Variants in ALOX12B observed in about 807,000 individuals in gnomAD.
ALOX12B encodes arachidonate 12-lipoxygenase, 12R type.
A neutral mutation model predicts 78.9 loss-of-function variants in ALOX12B; 47 were observed. That is an observed-to-expected ratio of 0.60 (90% CI 0.47 to 0.76). ALOX12B has a LOEUF of 0.76. Ranked by LOEUF, ALOX12B falls within the 30% of genes least tolerant of loss-of-function variation. ALOX12B has a pLI of 0.00. For synonymous variants in ALOX12B, 370 were observed against 374.5 expected, an observed-to-expected ratio of 0.99 and a Z score of 0.14; for missense variants, 805 against 922.6, an observed-to-expected ratio of 0.87 and a Z score of 1.65.
In ALOX12B at chr17:8,079,697, G is replaced by T; in HGVS notation, c.927+72C>A. The T allele has an allele frequency of 1.3e-6, 2 of 1,560,094 alleles. No individual in the cohort carries two copies. Among genetic ancestry groups the T allele is most frequent in the South Asian group, 2.3e-5 (2 of 85,758 alleles). On this transcript the variant is annotated intron_variant, in intron 7 of 14. Transcript: ENST00000647874. The surrounding 1 kb of genome is among the most constrained non-coding windows in gnomAD (Gnocchi z 6.4). ...CCTGGGACTGGCGCGGGCGCCGGAG[G>T]TGGGGAGAGACGGGGATGCCCGCGA...
Position 8,079,427 on chromosome 17 carries a change from G to T in ALOX12B, c.1040C>A (p.Pro347His). 1 of 1,551,542 alleles carries T rather than the reference G, an allele frequency of 6.4e-7. No individual in the cohort carries two copies. ...CAPLCLLHFG[P>H]EGKMMPIAIQ... ...GGCGATGGGCATCATCTTGCCCTCGGGTCCAAAGTGCAGCAGGCAGAGGGG... is the reference window on the plus strand; with the variant it reads ...GGCGATGGGCATCATCTTGCCCTCGTGTCCAAAGTGCAGCAGGCAGAGGGG... Residue 347 changes from proline (P) to histidine (H), a missense_variant, in exon 8 of 15, where the codon CCC becomes CAC. Coordinates refer to ENST00000647874, the MANE Select transcript of ALOX12B (RefSeq NM_001139.3). The surrounding 1 kb of genome is among the most constrained non-coding windows in gnomAD (Gnocchi z 6.4).
At chr17:8,083,185 GA>G (rs1317613692) in intron 2 of ALOX12B, among the ~76,000 whole-genome samples, 5 of 151,950 alleles carry the variant, frequency 3.3e-5, no homozygotes, top group African/African-American at 1.2e-4. Context: ...ATTTATAGAT[GA>G]AGATATATAT....
Position 8,079,678 on chromosome 17 carries a change from A to G in ALOX12B, c.927+91T>C. 1.9e-6 allele frequency: 3 copies of G among 1,544,534 alleles called. No homozygotes were observed. Among genetic ancestry groups the G allele is most frequent in the Non-Finnish European group, 2.6e-6 (3 of 1,143,636 alleles). On this transcript the variant is annotated intron_variant, in intron 7 of 14. Coordinates refer to ENST00000647874, the MANE Select transcript of ALOX12B (RefSeq NM_001139.3). The surrounding 1 kb of genome is among the most constrained non-coding windows in gnomAD (Gnocchi z 6.4). ...GACGCGGGGTGCGGGCTTGCCTGGGACTGGCGCGGGCGCCGGAGGTGGGGA... is the reference window on the plus strand; with the variant it reads ...GACGCGGGGTGCGGGCTTGCCTGGGGCTGGCGCGGGCGCCGGAGGTGGGGA...
rs1483138949 is a variant in ALOX12B, at chr17:8,080,666, C to T, written c.642G>A (p.Leu214=). 1.9e-6 allele frequency: 3 copies of T among 1,614,042 alleles called. No homozygotes were observed. The highest frequency in any genetic ancestry group is 2.2e-5 in the East Asian group (1 of 44,894). ...CACTCACACGGACTCACATGGGCCC[C>T]AGGCGGACGAAGAAGGAGGCCGTCT... is the stretch of plus-strand genomic sequence containing the variant. ...FLKTASFFVR[L]GPMALAFKVR... is the part of the protein sequence containing the mutation. The change falls in exon 5 of 15, where the codon CTG becomes CTA. Residue 214 remains leucine (L), a synonymous_variant. Coordinates refer to ENST00000647874, the MANE Select transcript of ALOX12B (RefSeq NM_001139.3). The surrounding 1 kb of genome is among the most constrained non-coding windows in gnomAD (Gnocchi z 4.8).
chr17:8,075,539 G>T (rs1977059857), intron 12 of ALOX12B, 56 bp downstream of exon 12: 2 of 1,611,992 alleles, frequency 1.2e-6, no homozygotes, highest in African/African-American at 2.7e-5. Flanking sequence ...AGACCTGCCT[G>T]GGGGCTGCCC....
chr17:8,076,440 C>T, intron 10 of ALOX12B, 96 bp from the exon 11 acceptor site: 1 of 1,415,284 alleles, frequency 7.1e-7, no homozygotes, highest in Non-Finnish European at 9.7e-7. Context: ...TAACCCCTGA[C>T]CCAGCCCACC....
At position 8,081,101 on chromosome 17, in the gene ALOX12B, C is replaced by T; in HGVS notation, c.434+5G>A. ...GCGCCCAGACTCTGCCACCCGCCCC[C>T]TCACTGGTAGAAGTCCTGCTTGGCT... On this transcript the variant is annotated splice_donor_5th_base_variant and intron_variant, in intron 3 of 14. Coordinates refer to ENST00000647874, the MANE Select transcript of ALOX12B (RefSeq NM_001139.3). 6.2e-7 allele frequency: 1 copy of T among 1,613,842 alleles called. No individual in the cohort carries two copies. Among genetic ancestry groups the T allele is most frequent in the East Asian group, 2.2e-5 (1 of 44,868 alleles).
intron 8 of ALOX12B, among the ~76,000 whole-genome samples, chr17:8,078,209 G>A (rs562227099): frequency 3.3e-5 from 5 of 151,172 alleles, no homozygotes; most frequent in East Asian, 2.0e-4. Flanking sequence ...GCAGTGGCAC[G>A]ATCTCTGCTC....
rs1978295720 is a variant in ALOX12B, at chr17:8,085,997, C to T, written c.352+19G>A. 2.5e-6 allele frequency: 4 copies of T among 1,613,286 alleles called. No homozygotes were observed. In the African/African-American group the frequency reaches 5.3e-5, roughly 22 times the overall value. On this transcript the variant is annotated intron_variant, in intron 2 of 14. Coordinates refer to ENST00000647874, the MANE Select transcript of ALOX12B (RefSeq NM_001139.3). The stretch of plus-strand genomic sequence containing the variant: ...GAGGCCTCACGGCCATAGGATGGAG[C>T]AGGGTGATGAGGGCTTACCTGTGGC...
At position 8,079,324 on chromosome 17, in the gene ALOX12B, A is replaced by AGC. The variant is rs764748634; in HGVS notation, c.1071+70_1071+71dup. ...ACATGCAGGTCCACACGCTCACATAAGCGCGCGCACACTCGGAGGAGCATT... is the reference window on the plus strand; with the variant it reads ...ACATGCAGGTCCACACGCTCACATAAGCGCGCGCGCACACTCGGAGGAGCATT... On this transcript the variant is annotated intron_variant, in intron 8 of 14. Coordinates refer to ENST00000647874, the MANE Select transcript of ALOX12B (RefSeq NM_001139.3). The surrounding 1 kb of genome is among the most constrained non-coding windows in gnomAD (Gnocchi z 6.4). 2.8e-5 allele frequency: 43 copies of AGC among 1,539,380 alleles called. No individual in the cohort carries two copies. Among genetic ancestry groups the AGC allele is most frequent in the Non-Finnish European group, 3.8e-5 (43 of 1,140,152 alleles).
rs368323729 is a variant in ALOX12B, at chr17:8,076,212, G to A, written c.1495C>T (p.Arg499Cys). 8.7e-6 allele frequency: 14 copies of A among 1,613,996 alleles called. No individual in the cohort carries two copies. Among genetic ancestry groups the A allele is most frequent in the South Asian group, 4.4e-5 (4 of 91,086 alleles). Reference sequence around the variant, plus strand: ...TTCCACACCGCCAAGCTGTCATCGCGGTAGTAATATCCAGGCAGGTCCTGG... The same window carrying A: ...TTCCACACCGCCAAGCTGTCATCGCAGTAGTAATATCCAGGCAGGTCCTGG... ...GVQDLPGYYY[R>C]DDSLAVWNAL... is the part of the protein sequence containing the mutation. Residue 499 changes from arginine to cysteine, a missense_variant, in exon 11 of 15, where the codon CGC becomes TGC. Physicochemically the swap from Arg to Cys is radical, Grantham distance 180. Transcript: ENST00000647874.
At chr17:8,073,837 C>G in intron 12 of ALOX12B, 80 bp from the exon 13 acceptor site, 1 of 1,135,422 alleles carries the variant, frequency 8.8e-7, no homozygotes, top group Non-Finnish European at 1.3e-6. Context: ...CACCATGCCC[C>G]GCTCTCACCG....
Position 8,080,102 on chromosome 17 carries a change from C to T in ALOX12B, c.754+133G>A, listed in dbSNP as rs760311544. ...CCGGAGGAGCCCGGTGCGACATTTT[C>T]CAAGAAGCCGCCAGAGGGCGCGCGC... is the stretch of plus-strand genomic sequence containing the variant. On this transcript the variant is annotated intron_variant, in intron 6 of 14. Transcript: ENST00000647874. The surrounding 1 kb of genome is among the most constrained non-coding windows in gnomAD (Gnocchi z 4.8). 4.7e-6 allele frequency: 7 copies of T among 1,482,376 alleles called. No individual in the cohort carries two copies. In the South Asian group the frequency reaches 8.0e-5, roughly 17 times the overall value. 91.8% of individuals were successfully genotyped at this position (1,482,376 alleles called of 1,614,324 possible).
chr17:8,087,602 T>G lies in ALOX12B; in HGVS notation c.-160A>C. The G allele has an allele frequency of 8.2e-7, 1 of 1,224,112 alleles. No individual in the cohort carries two copies. Among genetic ancestry groups the G allele is most frequent in the Non-Finnish European group, 1.1e-6 (1 of 871,674 alleles). 75.8% of individuals were successfully genotyped at this position (1,224,112 alleles called of 1,614,324 possible). A position where few individuals can be genotyped will look rare whatever the true frequency, so the allele number is the denominator to read the frequency against. On this transcript the variant is annotated 5_prime_UTR_variant, in exon 1 of 15. Transcript: ENST00000647874. ...GGTGGCGAGGTGGGGTGACTAGGCC[T>G]GCCAGCCAAATTCTGGAAAAGCTGC...
intron 2 of ALOX12B, 131 bp from the exon 3 acceptor site, chr17:8,081,318 C>G: frequency 2.3e-6 from 2 of 863,622 alleles, no homozygotes; most frequent in Non-Finnish European, 3.9e-6. Context: ...GAAGGCTCAC[C>G]TTGGGAGAGT....
At position 8,079,148 on chromosome 17, in the gene ALOX12B, C is replaced by T. The variant is rs550262272; in HGVS notation, c.1071+248G>A. 3.3e-5 allele frequency among the ~76,000 whole-genome samples: 5 copies of T among 152,176 alleles called. No homozygotes were observed. The highest frequency in any genetic ancestry group is 7.2e-5 in the African/African-American group (3 of 41,566). ...TCCTGACCTCGTGATCCGCCCGCCT[C>T]GGCCTCCCAAAGTGCTGGGATTACA... On this transcript the variant is annotated intron_variant, in intron 8 of 14. Coordinates refer to ENST00000647874, the MANE Select transcript of ALOX12B (RefSeq NM_001139.3). The surrounding 1 kb of genome is among the most constrained non-coding windows in gnomAD (Gnocchi z 6.4).
intron 10 of ALOX12B, 31 bp downstream of exon 10, chr17:8,076,626 G>T (rs1873371702): frequency 6.5e-7 from 1 of 1,542,078 alleles, no homozygotes; most frequent in Non-Finnish European, 8.8e-7. Context: ...GAAAACAAAT[G>T]TCTCGTTGGG....
At chr17:8,074,617 C>A (rs1441992569) in intron 12 of ALOX12B, among the ~76,000 whole-genome samples, 1 of 150,918 alleles carries the variant, frequency 6.6e-6, no homozygotes, top group East Asian at 1.9e-4. Flanking sequence ...TGTCTCCTGA[C>A]TGCCAGTGCA....
Position 8,079,571 on chromosome 17 carries a change from G to A in ALOX12B, c.928-32C>T, listed in dbSNP as rs1245072173. Reference sequence around the variant, plus strand: ...GGGAGCCGCGATGGGTGGCAAGTAGGCACCCACACGGGAAGCCCGTGACCC... The same window carrying A: ...GGGAGCCGCGATGGGTGGCAAGTAGACACCCACACGGGAAGCCCGTGACCC... On this transcript the variant is annotated intron_variant, in intron 7 of 14. Transcript: ENST00000647874. This position sits in a 1 kb window ranked among gnomAD's most constrained non-coding sequence, Gnocchi z 6.4. 3.2e-6 allele frequency: 5 copies of A among 1,548,948 alleles called. No individual in the cohort carries two copies. In the Admixed American group the frequency reaches 9.8e-5, roughly 30 times the overall value.
Sources: gnomAD v4.1 joint callset for allele counts (sites outside exome capture counted in the v4.1 genomes callset) on GRCh38, gnomAD v4.1.1 for gene constraint, Gnocchi (gnomAD v3.1) non-coding constraint, MANE v1.5 for transcripts, NCBI Gene and HGNC (gene_info 2026-07-23, HGNC 2026-07-21) for gene names.